ARHGAP15: variants seen among roughly 807,000 people sequenced by gnomAD.
ARHGAP15 encodes Rho GTPase activating protein 15, also known as rho GTPase-activating protein 15.
Under a neutral mutation model 63.7 loss-of-function variants are expected in ARHGAP15, and 51 were observed. That is an observed-to-expected ratio of 0.80 (90% confidence interval 0.64 to 1.01). The LOEUF is 1.01. Among genes scored for constraint, ARHGAP15 ranks in the 50% least tolerant of loss-of-function variants. The probability of loss-of-function intolerance (pLI) is 0.00; values close to 1 mark genes in which losing one functional copy is unlikely to be tolerated. For missense variants in ARHGAP15, 560 were observed against 564.6 expected, an observed-to-expected ratio of 0.99 and a Z score of 0.08; for synonymous variants, 191 against 193.8, an observed-to-expected ratio of 0.99 and a Z score of 0.12.
intron 10 of ARHGAP15, among the ~76,000 whole-genome samples, chr2:143,535,596 T>C (rs548949447): frequency 1.3e-5 from 2 of 152,322 alleles, no homozygotes; most frequent in South Asian, 4.1e-4. Flanking sequence ...TTAACTTACG[T>C]TGGGAACCAA....
chr2:143,345,411 C>G (rs960251754), intron 6 of ARHGAP15, among the ~76,000 whole-genome samples: 1 of 152,022 alleles, frequency 6.6e-6, no homozygotes, highest in Admixed American at 6.6e-5. Flanking sequence ...ACTAGGTTAC[C>G]AAAATCATTT....
chr2:143,160,208 AG>A (rs1690234821), intron 2 of ARHGAP15, among the ~76,000 whole-genome samples: 3 of 151,952 alleles, frequency 2.0e-5, no homozygotes, highest in Admixed American at 6.6e-5. Context: ...ATTAAATTCT[AG>A]ACACACACAA....
chr2:143,137,811 G>A (rs761439994), intron 1 of ARHGAP15, among the ~76,000 whole-genome samples: 1 of 151,982 alleles, frequency 6.6e-6, no homozygotes, highest in Admixed American at 6.6e-5. Context: ...TTCCGTTTCT[G>A]TTCATTTATC....
intron 6 of ARHGAP15, among the ~76,000 whole-genome samples, chr2:143,364,542 G>A (rs1558922116): frequency 6.6e-6 from 1 of 152,146 alleles, no homozygotes; most frequent in Non-Finnish European, 1.5e-5. Context: ...GATATTATAA[G>A]TACCAAGTAA....
intron 7 of ARHGAP15, among the ~76,000 whole-genome samples, chr2:143,436,675 A>G (rs185900643): frequency 2.4e-4 from 37 of 152,304 alleles, no homozygotes; most frequent in African/African-American, 8.7e-4. Context: ...CACCTACTCT[A>G]TAGAATTGTT....
chr2:143,164,531 G>T (rs1033776513), intron 2 of ARHGAP15, among the ~76,000 whole-genome samples: 4 of 151,836 alleles, frequency 2.6e-5, no homozygotes, highest in African/African-American at 9.7e-5. Context: ...AATTTGATTT[G>T]CAATAGGACA....
chr2:143,762,017 AT>A (rs989189320), intron 13 of ARHGAP15, among the ~76,000 whole-genome samples: 3 of 152,268 alleles, frequency 2.0e-5, no homozygotes, highest in African/African-American at 7.2e-5. Context: ...ATAAAATCAT[AT>A]TTTTGTCAGG....
intron 3 of ARHGAP15, among the ~76,000 whole-genome samples, chr2:143,205,838 G>A (rs1055271356): frequency 4.0e-5 from 6 of 151,856 alleles, no homozygotes; most frequent in African/African-American, 1.5e-4. Context: ...CGTCTCAATG[G>A]TTGTGGTGCC....
intron 1 of ARHGAP15, among the ~76,000 whole-genome samples, chr2:143,152,798 C>T (rs1469754664): frequency 2.6e-5 from 4 of 151,800 alleles, no homozygotes; most frequent in Non-Finnish European, 4.4e-5. Context: ...AGAGAACAAA[C>T]TTAGTGGAGG....
chr2:143,597,084 C>G (rs961006091), intron 11 of ARHGAP15, among the ~76,000 whole-genome samples: 3 of 151,946 alleles, frequency 2.0e-5, no homozygotes, highest in African/African-American at 7.3e-5. Context: ...TATTCTTGTC[C>G]TCTTCCTACC....
chr2:143,285,774 C>T (rs367844058), intron 6 of ARHGAP15, among the ~76,000 whole-genome samples: 1 of 152,156 alleles, frequency 6.6e-6, no homozygotes, highest in South Asian at 2.1e-4. Flanking sequence ...ATATTCCATA[C>T]AGATGGAATC....
intron 11 of ARHGAP15, among the ~76,000 whole-genome samples, chr2:143,622,844 A>C (rs1698692537): frequency 6.6e-6 from 1 of 151,236 alleles, no homozygotes; most frequent in Non-Finnish European, 1.5e-5. Flanking sequence ...TTTTAAAAGG[A>C]CGTGAACATT....
chr2:143,539,663 G>T (rs921376862), intron 10 of ARHGAP15, among the ~76,000 whole-genome samples: 21 of 152,138 alleles, frequency 1.4e-4, no homozygotes, highest in Non-Finnish European at 2.6e-4. Flanking sequence ...GGAGCAGGTT[G>T]TTCAGTTTCC....
chr2:143,450,470 A>T (rs1024437786), intron 8 of ARHGAP15, among the ~76,000 whole-genome samples: 1 of 151,924 alleles, frequency 6.6e-6, no homozygotes, highest in African/African-American at 2.4e-5. Context: ...ATATTAGAAC[A>T]TCTGTGTTGT....
chr2:143,232,212 C>A (rs1451643506), intron 5 of ARHGAP15, among the ~76,000 whole-genome samples: 1 of 152,124 alleles, frequency 6.6e-6, no homozygotes, highest in African/African-American at 2.4e-5. Flanking sequence ...TCGTAACTGA[C>A]CACCTACTAT....
intron 6 of ARHGAP15, among the ~76,000 whole-genome samples, chr2:143,324,284 AT>A (rs1189256408): frequency 6.6e-6 from 1 of 152,258 alleles, no homozygotes; most frequent in South Asian, 2.1e-4. Flanking sequence ...TTTTTCTAAC[AT>A]TTTCTTCCTG....
chr2:143,507,550 G>A (rs972339451), intron 9 of ARHGAP15, among the ~76,000 whole-genome samples: 4 of 152,048 alleles, frequency 2.6e-5, no homozygotes, highest in Non-Finnish European at 5.9e-5. Flanking sequence ...CAGACTATTG[G>A]ACATTAAACA....
chr2:143,173,013 A>G (rs775909776), intron 2 of ARHGAP15, among the ~76,000 whole-genome samples: 1 of 152,040 alleles, frequency 6.6e-6, no homozygotes, highest in Non-Finnish European at 1.5e-5. Context: ...GAACCAGACG[A>G]TGTCAGTTGA....
At chr2:143,297,648 G>A (rs936436690) in intron 6 of ARHGAP15, among the ~76,000 whole-genome samples, 3 of 151,946 alleles carry the variant, frequency 2.0e-5, no homozygotes, top group Admixed American at 1.3e-4. Flanking sequence ...GCACAGTGAG[G>A]AAAGCTATTG....
Sources: allele counts gnomAD v4.1 joint callset (sites outside exome capture counted in the v4.1 genomes callset), GRCh38; gene constraint gnomAD v4.1.1; transcripts MANE v1.5; gene names NCBI Gene and HGNC (gene_info 2026-07-23, HGNC 2026-07-21).